CLSTN1: variants seen among roughly 807,000 people sequenced by gnomAD.
The protein encoded by CLSTN1 is calsyntenin 1, also known as calsyntenin-1.
CLSTN1 carries 28 observed loss-of-function variants against 108.3 expected under a neutral mutation model. That is an observed-to-expected ratio of 0.26 (90% confidence interval 0.19 to 0.35). The LOEUF is 0.35. CLSTN1 is among the 10% of genes least tolerant of loss of function. The probability of loss-of-function intolerance (pLI) is 1.00; values close to 1 mark genes in which losing one functional copy is unlikely to be tolerated. For synonymous variants in CLSTN1, 524 were observed against 534.9 expected (o/e 0.98, Z 0.28); for missense variants, 1,157 against 1,302.6 (o/e 0.89, Z 1.72).
chr1:9,732,153 A>G (rs1046335314), intron 16 of CLSTN1, among the ~76,000 whole-genome samples: 1 of 152,242 alleles, frequency 6.6e-6, no homozygotes, highest in African/African-American at 2.4e-5. Flanking sequence ...TAACAATCTA[A>G]TATTCTCACA....
upstream of CLSTN1, chr1:9,824,341 T>G (rs111252381): frequency 0.2 from 29,941 of 151,596 alleles, 4,472 homozygotes; most frequent in African/African-American, 0.4. This position sits in a 1 kb window ranked among gnomAD's most constrained non-coding sequence, Gnocchi z 5.0. Flanking sequence ...GGGGACCCGC[T>G]CCTCCTTCTC....
At chr1:9,762,675 C>CTTACTGGT (rs1557703422) in intron 2 of CLSTN1, among the ~76,000 whole-genome samples, 3 of 148,222 alleles carry the variant, frequency 2.0e-5, no homozygotes, top group Admixed American at 6.6e-5. Context: ...GGCTTTCTTG[C>CTTACTGGT]CAAGCAGCGA....
chr1:9,734,489 C>T lies in CLSTN1; in HGVS notation c.2111-347G>A, dbSNP rs1352233575. Among the ~76,000 whole-genome samples the T allele has an allele frequency of 2.0e-5, 3 of 151,554 alleles. No individual in the cohort carries two copies. The highest frequency in any genetic ancestry group is 2.0e-4 in the East Asian group (1 of 5,124). ...ATTCGGGAGGCTGAGGCAGGAGAAT[C>T]GCTTGAACTCAGGAGGTGGATGCTG... On this transcript the variant is annotated intron_variant, in intron 14 of 18. Coordinates refer to ENST00000377298, the MANE Select transcript of CLSTN1 (RefSeq NM_001009566.3). The surrounding 1 kb of genome is among the most constrained non-coding windows in gnomAD (Gnocchi z 4.8).
At chr1:9,803,733 G>A (rs1389914453) in intron 1 of CLSTN1, among the ~76,000 whole-genome samples, 1 of 152,020 alleles carries the variant, frequency 6.6e-6, no homozygotes, top group Non-Finnish European at 1.5e-5. Context: ...AACCCAGGAG[G>A]TGAAGGCTGC....
At chr1:9,795,359 TTTCTCC>T (rs894692945) in intron 1 of CLSTN1, among the ~76,000 whole-genome samples, 1 of 150,806 alleles carries the variant, frequency 6.6e-6, no homozygotes, top group African/African-American at 2.4e-5. Context: ...AGAGACGGGG[TTTCTCC>T]ATGTTGGTCA....
chr1:9,783,684 C>T lies in CLSTN1; in HGVS notation c.92-10290G>A, dbSNP rs535587152. Among the ~76,000 whole-genome samples the T allele has an allele frequency of 1.1e-3, 161 of 149,466 alleles. 1 individual carries two copies. The highest frequency in any genetic ancestry group is 3.7e-3 in the Admixed American group (56 of 14,992). ...CAGCCTGGCCAACATGGTGAAACCC[C>T]GTCTCCACTAAAAAAATACAAAAAT... On this transcript the variant is annotated intron_variant, in intron 1 of 18. Coordinates refer to ENST00000377298, the MANE Select transcript of CLSTN1 (RefSeq NM_001009566.3).
At chr1:9,799,723 A>G (rs1381475816) in intron 1 of CLSTN1, among the ~76,000 whole-genome samples, 2 of 151,960 alleles carry the variant, frequency 1.3e-5, no homozygotes, top group Non-Finnish European at 2.9e-5. Context: ...CAGGCAGATC[A>G]TGAGGTCAAG....
At chr1:9,769,500 A>G (rs1005405536) in intron 2 of CLSTN1, among the ~76,000 whole-genome samples, 2 of 152,226 alleles carry the variant, frequency 1.3e-5, no homozygotes, top group African/African-American at 4.8e-5. Flanking sequence ...TAACACAGGT[A>G]AACTGTGAAA....
chr1:9,730,088 A>C lies in CLSTN1; in HGVS notation c.*420T>G. On this transcript the variant is annotated 3_prime_UTR_variant, in exon 19 of 19. Coordinates refer to ENST00000377298, the MANE Select transcript of CLSTN1 (RefSeq NM_001009566.3). The surrounding 1 kb of genome is among the most constrained non-coding windows in gnomAD (Gnocchi z 5.6). ...TTATACATGCACTAGTTTGGAAAAAATAAAAACTTTTTTTAAAAAAAGAAA... is the reference window on the plus strand; with the variant it reads ...TTATACATGCACTAGTTTGGAAAAACTAAAAACTTTTTTTAAAAAAAGAAA... 4.7e-6 allele frequency: 1 copy of C among 213,500 alleles called. No homozygotes were observed. The highest frequency in any genetic ancestry group is 9.7e-6 in the Non-Finnish European group (1 of 103,624). The allele number at this position is 213,500 out of a possible 1,614,324, so 13.2% of individuals were successfully genotyped here.
chr1:9,779,612 A>C (rs1439209953), intron 1 of CLSTN1, among the ~76,000 whole-genome samples: 1 of 152,132 alleles, frequency 6.6e-6, no homozygotes, highest in African/African-American at 2.4e-5. Context: ...TTTTTAGTTG[A>C]GATGAAGTCT....
chr1:9,792,624 A>C (rs1183010172), intron 1 of CLSTN1, among the ~76,000 whole-genome samples: 1 of 151,448 alleles, frequency 6.6e-6, no homozygotes, highest in Non-Finnish European at 1.5e-5. Context: ...GTCGGGAACC[A>C]TGCCCTTGGC....
rs78534617 is a variant in CLSTN1, at chr1:9,792,306, A to G, written c.92-18912T>C. Reference sequence around the variant, plus strand: ...CACTGACTTCCATCCTGAGCTTCCTAAACAACTCTCATATGCCATGGCTGG... The same window carrying G: ...CACTGACTTCCATCCTGAGCTTCCTGAACAACTCTCATATGCCATGGCTGG... On this transcript the variant is annotated intron_variant, in intron 1 of 18. Transcript: ENST00000377298. Among the ~76,000 whole-genome samples, 1,402 of 151,596 alleles carry G rather than the reference A, an allele frequency of 9.2e-3. 50 individuals carry two copies. The highest frequency in any genetic ancestry group is 0.046 in the East Asian group (234 of 5,054).
At chr1:9,782,443 T>C (rs1653289675) in intron 1 of CLSTN1, among the ~76,000 whole-genome samples, 1 of 152,088 alleles carries the variant, frequency 6.6e-6, no homozygotes, top group Admixed American at 6.6e-5. Flanking sequence ...AAGTAATGTG[T>C]TTCAAAAAAA....
At chr1:9,793,630 T>C (rs943590849) in intron 1 of CLSTN1, among the ~76,000 whole-genome samples, 2 of 151,450 alleles carry the variant, frequency 1.3e-5, no homozygotes, top group African/African-American at 4.8e-5. Context: ...TCCTGGGCAA[T>C]TTCCACTTTG....
rs201692631 is a variant in CLSTN1, at chr1:9,751,428, C to A, written c.649+45G>T. On this transcript the variant is annotated intron_variant, in intron 5 of 18. Transcript: ENST00000377298. ...TGGGGTGTAAAGTCAGTGGGGTTAG[C>A]AGGGACTGTCTACCTAGCTGAAAAG... 190 of 1,590,124 alleles carry A rather than the reference C, an allele frequency of 1.2e-4. No homozygotes were observed. In the African/African-American group the frequency reaches 2.2e-3, roughly 18 times the overall value.
chr1:9,734,930 C>A lies in CLSTN1; in HGVS notation c.2110+18G>T, dbSNP rs768073604. On this transcript the variant is annotated intron_variant, in intron 14 of 18. Coordinates refer to ENST00000377298, the MANE Select transcript of CLSTN1 (RefSeq NM_001009566.3). The surrounding 1 kb of genome is among the most constrained non-coding windows in gnomAD (Gnocchi z 4.8). Reference sequence around the variant, plus strand: ...TCCGGCCGAGGCGAGGGAGCCCGCGCCCCACAGAGCACATTACCTGTGGGG... The same window carrying A: ...TCCGGCCGAGGCGAGGGAGCCCGCGACCCACAGAGCACATTACCTGTGGGG... 2 of 1,606,526 alleles carry A rather than the reference C, an allele frequency of 1.2e-6. No homozygotes were observed. Among genetic ancestry groups the A allele is most frequent in the Admixed American group, 3.3e-5 (2 of 59,932 alleles).
intron 1 of CLSTN1, among the ~76,000 whole-genome samples, chr1:9,794,601 G>A (rs954410699): frequency 1.3e-5 from 2 of 151,390 alleles, no homozygotes; most frequent in Admixed American, 6.7e-5. Flanking sequence ...GAACCACCAC[G>A]TCTGGCCTTC....
intron 1 of CLSTN1, among the ~76,000 whole-genome samples, chr1:9,813,040 T>C (rs1451836871): frequency 2.8e-5 from 4 of 144,496 alleles, no homozygotes; most frequent in African/African-American, 1.0e-4. Flanking sequence ...GGCGGGTGCC[T>C]AGTAATCCCA....
intron 1 of CLSTN1, among the ~76,000 whole-genome samples, chr1:9,795,946 C>T (rs961914017): frequency 8.2e-6 from 1 of 121,874 alleles, no homozygotes; most frequent in Admixed American, 1.0e-4. Flanking sequence ...CAGAACAAGA[C>T]CCTGTCCCCA....
Sources: allele counts gnomAD v4.1 joint callset (sites outside exome capture counted in the v4.1 genomes callset), GRCh38; gene constraint gnomAD v4.1.1; non-coding constraint Gnocchi (gnomAD v3.1); transcripts MANE v1.5; gene names NCBI Gene and HGNC (gene_info 2026-07-23, HGNC 2026-07-21).